Variants in LRRIQ3 observed in about 807,000 individuals in gnomAD.
The protein encoded by LRRIQ3 is leucine-rich repeat and IQ domain-containing protein 3.
A neutral mutation model predicts 59.3 loss-of-function variants in LRRIQ3; 75 were observed. The observed-to-expected ratio is 1.26, with a 90% CI of 1.05 to 1.53. LRRIQ3 has a LOEUF of 1.53. Ranked by LOEUF, LRRIQ3 falls within the 40% of genes most tolerant of loss-of-function variation. The pLI is 0.00. For synonymous variants in LRRIQ3, 250 were observed against 231.3 expected (o/e 1.08, Z -0.73); for missense variants, 831 against 710.0 (o/e 1.17, Z -1.94).
At chr1:74,064,289 T>A (rs952729407) in intron 6 of LRRIQ3, among the ~76,000 whole-genome samples, 2 of 151,976 alleles carry the variant, frequency 1.3e-5, no homozygotes, top group Admixed American at 6.6e-5. Flanking sequence ...TCTTACATCA[T>A]TTCATTACTC....
At chr1:74,045,293 A>T (rs1221828557) in intron 6 of LRRIQ3, among the ~76,000 whole-genome samples, 1 of 152,220 alleles carries the variant, frequency 6.6e-6, no homozygotes, top group Non-Finnish European at 1.5e-5. Context: ...CTTGAGATGC[A>T]AGCCTTGTTC....
intron 3 of LRRIQ3, among the ~76,000 whole-genome samples, chr1:74,176,278 A>G (rs979390870): frequency 5.9e-5 from 9 of 152,130 alleles, no homozygotes; most frequent in Admixed American, 5.9e-4. Flanking sequence ...AGCTTGAAAA[A>G]TATTTTGCAA....
chr1:74,093,512 A>C (rs918958566), intron 5 of LRRIQ3, among the ~76,000 whole-genome samples: 1 of 152,096 alleles, frequency 6.6e-6, no homozygotes, highest in African/African-American at 2.4e-5. Context: ...ATTTAGCTAT[A>C]GGTTGCTAGA....
At chr1:74,142,159 A>G (rs1259083814) in intron 4 of LRRIQ3, among the ~76,000 whole-genome samples, 1 of 151,858 alleles carries the variant, frequency 6.6e-6, no homozygotes, top group Non-Finnish European at 1.5e-5. Flanking sequence ...TTGAATTCGA[A>G]AGACTGGGGT....
At chr1:74,101,915 G>T (rs564065531) in intron 5 of LRRIQ3, among the ~76,000 whole-genome samples, 5 of 152,018 alleles carry the variant, frequency 3.3e-5, no homozygotes, top group African/African-American at 9.7e-5. Context: ...GTCATATGGT[G>T]GGGGGAGCGG....
At chr1:74,101,293 T>C (rs974447193) in intron 5 of LRRIQ3, among the ~76,000 whole-genome samples, 1 of 151,876 alleles carries the variant, frequency 6.6e-6, no homozygotes, top group African/African-American at 2.4e-5. Flanking sequence ...ATGCAGCCAA[T>C]AGACACATGA....
At chr1:74,120,936 T>C (rs1404700574) in intron 4 of LRRIQ3, among the ~76,000 whole-genome samples, 6 of 152,150 alleles carry the variant, frequency 3.9e-5, no homozygotes, top group Admixed American at 3.9e-4. Flanking sequence ...TGCAGAACAT[T>C]ATGATTGATT....
chr1:74,178,923 G>A (rs957843134), intron 3 of LRRIQ3, among the ~76,000 whole-genome samples: 1 of 152,050 alleles, frequency 6.6e-6, no homozygotes, highest in Non-Finnish European at 1.5e-5. Flanking sequence ...ATGAGAGGTA[G>A]GGGGACTGTT....
chr1:74,096,239 T>C (rs188710102), intron 5 of LRRIQ3, among the ~76,000 whole-genome samples: 5 of 152,074 alleles, frequency 3.3e-5, no homozygotes, highest in South Asian at 4.1e-4. Context: ...AAAAACTCCA[T>C]GATACAGTAA....
chr1:74,101,793 T>G (rs1223761943), intron 5 of LRRIQ3, among the ~76,000 whole-genome samples: 2 of 151,818 alleles, frequency 1.3e-5, no homozygotes, highest in South Asian at 2.1e-4. Context: ...ATCATTCTCA[T>G]CAAACTATCA....
intron 3 of LRRIQ3, among the ~76,000 whole-genome samples, chr1:74,173,904 G>A (rs568003042): frequency 3.9e-5 from 6 of 151,998 alleles, no homozygotes; most frequent in Admixed American, 2.0e-4. Flanking sequence ...TGGTTGTCAC[G>A]TTTTGGGTTT....
chr1:74,068,296 T>A (rs936155159), intron 6 of LRRIQ3, among the ~76,000 whole-genome samples: 1 of 152,070 alleles, frequency 6.6e-6, no homozygotes, highest in African/African-American at 2.4e-5. Flanking sequence ...TTATTTCTCA[T>A]CTAAGAATCA....
intron 6 of LRRIQ3, among the ~76,000 whole-genome samples, chr1:74,073,877 A>G (rs1646166191): frequency 6.6e-6 from 1 of 152,190 alleles, no homozygotes; most frequent in Non-Finnish European, 1.5e-5. Flanking sequence ...GATAAAGAAA[A>G]GTTTATCTAA....
chr1:74,037,502 G>C (rs1199608751), intron 7 of LRRIQ3, among the ~76,000 whole-genome samples: 1 of 152,144 alleles, frequency 6.6e-6, no homozygotes, highest in Admixed American at 6.5e-5. Flanking sequence ...GCTTGGTGTG[G>C]TGGCGGACGC....
intron 4 of LRRIQ3, among the ~76,000 whole-genome samples, chr1:74,150,021 G>A (rs1417137676): frequency 6.6e-6 from 1 of 152,188 alleles, no homozygotes; most frequent in Non-Finnish European, 1.5e-5. Flanking sequence ...CTAACGAAAT[G>A]TAGGAAAAGA....
intron 7 of LRRIQ3, among the ~76,000 whole-genome samples, chr1:74,037,446 T>C (rs535347628): frequency 2.6e-5 from 4 of 152,168 alleles, no homozygotes; most frequent in African/African-American, 4.8e-5. Flanking sequence ...GAGACCAGTC[T>C]GGCCAACGTG....
chr1:74,131,358 C>A (rs568272217), intron 4 of LRRIQ3, among the ~76,000 whole-genome samples: 5 of 152,218 alleles, frequency 3.3e-5, no homozygotes, highest in Non-Finnish European at 7.4e-5. Flanking sequence ...AGAGGGAATC[C>A]TCCCTAACTC....
intron 3 of LRRIQ3, among the ~76,000 whole-genome samples, chr1:74,171,974 T>C (rs995558307): frequency 2.0e-5 from 3 of 152,184 alleles, no homozygotes; most frequent in African/African-American, 7.2e-5. Context: ...GTAATGTCTC[T>C]TCTTTCATTT....
intron 3 of LRRIQ3, among the ~76,000 whole-genome samples, chr1:74,163,170 T>A (rs959906186): frequency 6.6e-6 from 1 of 151,630 alleles, no homozygotes; most frequent in Non-Finnish European, 1.5e-5. Flanking sequence ...TTTCTCAGCA[T>A]ATTTGAAAAG....
Sources: gnomAD v4.1 joint callset for allele counts (sites outside exome capture counted in the v4.1 genomes callset) on GRCh38, gnomAD v4.1.1 for gene constraint, MANE v1.5 for transcripts, NCBI Gene and HGNC (gene_info 2026-07-23, HGNC 2026-07-21) for gene names.